NUDT3: variants seen among roughly 807,000 people sequenced by gnomAD.
NUDT3 encodes nudix hydrolase 3, also known as diphosphoinositol polyphosphate phosphohydrolase 1.
Under a neutral mutation model 23.6 loss-of-function variants are expected in NUDT3, and 9 were observed. The observed-to-expected ratio is 0.38, with a 90% CI of 0.23 to 0.66. NUDT3 has a LOEUF of 0.66. Ranked by LOEUF, NUDT3 falls within the 30% of genes least tolerant of loss-of-function variation. The probability of loss-of-function intolerance (pLI) is 0.52; values close to 1 mark genes in which losing one functional copy is unlikely to be tolerated. For synonymous variants in NUDT3, 86 were observed against 82.6 expected, an observed-to-expected ratio of 1.04 and a Z score of -0.22; for missense variants, 172 against 218.5, an observed-to-expected ratio of 0.79 and a Z score of 1.34.
At chr6:34,296,127 G>T (rs1022993962) in intron 2 of NUDT3, among the ~76,000 whole-genome samples, 31 of 152,210 alleles carry the variant, frequency 2.0e-4, no homozygotes, top group African/African-American at 7.2e-4. Context: ...AAATTAGCCA[G>T]TCATGGCAGC....
At chr6:34,356,236 C>T (rs942659997) in intron 1 of NUDT3, among the ~76,000 whole-genome samples, 2 of 152,066 alleles carry the variant, frequency 1.3e-5, no homozygotes, top group East Asian at 1.9e-4. Context: ...AAATATCTTA[C>T]GTACCCACAA....
In NUDT3 at chr6:34,351,224, A is replaced by AAAAAAAAAAAAAC. The variant is rs1374203552; in HGVS notation, c.100-9253_100-9252insGTTTTTTTTTTTT. Among the ~76,000 whole-genome samples the AAAAAAAAAAAAAC allele has an allele frequency of 2.3e-4, 31 of 136,350 alleles. 1 individual carries two copies. Among genetic ancestry groups the AAAAAAAAAAAAAC allele is most frequent in the African/African-American group, 8.6e-4 (29 of 33,740 alleles). 89.5% of individuals were successfully genotyped at this position (136,350 alleles called of 152,430 possible). On this transcript the variant is annotated intron_variant, in intron 1 of 4. Transcript: ENST00000607016. ...AAAAAAAAAAAAAAAAAAAAAAAAAAAACACTTTGGGAGGCCAAGATGGGA... is the reference window on the plus strand; with the variant it reads ...AAAAAAAAAAAAAAAAAAAAAAAAAAAAAAAAAAAAAACAACACTTTGGGAGGCCAAGATGGGA...
intron 4 of NUDT3, among the ~76,000 whole-genome samples, chr6:34,291,150 G>A (rs1393475777): frequency 2.0e-5 from 3 of 151,942 alleles, no homozygotes; most frequent in Non-Finnish European, 4.4e-5. Context: ...GTAGAGATGG[G>A]GTTTCAGCAT....
intron 1 of NUDT3, among the ~76,000 whole-genome samples, chr6:34,385,123 C>T (rs896399532): frequency 4.0e-5 from 6 of 151,154 alleles, no homozygotes. Flanking sequence ...TTATATATTA[C>T]TAATTATATA....
intron 1 of NUDT3, among the ~76,000 whole-genome samples, chr6:34,377,800 T>C (rs1265674758): frequency 1.4e-5 from 2 of 140,628 alleles, no homozygotes; most frequent in Non-Finnish European, 3.0e-5. Flanking sequence ...ACCACTGCAC[T>C]CCAGCCTGGG....
At chr6:34,309,365 T>C (rs1365856543) in intron 2 of NUDT3, among the ~76,000 whole-genome samples, 1 of 151,938 alleles carries the variant, frequency 6.6e-6, no homozygotes, top group East Asian at 1.9e-4. Context: ...AAATATAACA[T>C]CAAAATTTGT....
intron 2 of NUDT3, among the ~76,000 whole-genome samples, chr6:34,313,116 A>G (rs1763800520): frequency 6.6e-6 from 1 of 152,152 alleles, no homozygotes. Flanking sequence ...CAAAGCTTGC[A>G]GTGAGCTGAG....
rs1445847870 is a variant in NUDT3 at position 34,281,566 on chromosome 6, G to C, written c.*7187C>G. 2 of 148,976 alleles carry C rather than the reference G, an allele frequency of 1.3e-5. No individual in the cohort carries two copies. Among genetic ancestry groups the C allele is most frequent in the Non-Finnish European group, 2.9e-5 (2 of 67,878 alleles). 9.2% of individuals were successfully genotyped at this position (148,976 alleles called of 1,614,324 possible). ...ACAGTCTTCAGATCACAAAACAATAGAACAGACCTGACATTTACAAAACTG... is the reference window on the plus strand; with the variant it reads ...ACAGTCTTCAGATCACAAAACAATACAACAGACCTGACATTTACAAAACTG... On this transcript the variant is annotated 3_prime_UTR_variant, in exon 5 of 5. Coordinates refer to ENST00000607016, the MANE Select transcript of NUDT3 (RefSeq NM_006703.4).
At chr6:34,392,034 AC>A (rs1765211390) in intron 1 of NUDT3, among the ~76,000 whole-genome samples, 1 of 151,688 alleles carries the variant, frequency 6.6e-6, no homozygotes, top group Admixed American at 6.6e-5. Flanking sequence ...CAAGCCGGCT[AC>A]CCCCTCCGCC....
At chr6:34,317,329 T>TACCC (rs1763877590) in intron 2 of NUDT3, among the ~76,000 whole-genome samples, 1 of 151,982 alleles carries the variant, frequency 6.6e-6, no homozygotes, top group Non-Finnish European at 1.5e-5. Context: ...ACTACCTACC[T>TACCC]ACCCACTAAT....
intron 2 of NUDT3, among the ~76,000 whole-genome samples, chr6:34,334,764 T>C (rs899050156): frequency 6.6e-6 from 1 of 151,982 alleles, no homozygotes; most frequent in Non-Finnish European, 1.5e-5. Context: ...ACACTGTCTC[T>C]AATAAATAAT....
At chr6:34,311,020 A>G (rs1763763270) in intron 2 of NUDT3, among the ~76,000 whole-genome samples, 1 of 151,970 alleles carries the variant, frequency 6.6e-6, no homozygotes, top group Non-Finnish European at 1.5e-5. Flanking sequence ...TCGACAAACT[A>G]GGAACAGAGG....
intron 2 of NUDT3, among the ~76,000 whole-genome samples, chr6:34,338,409 C>G (rs1010459805): frequency 1.3e-5 from 2 of 152,162 alleles, no homozygotes; most frequent in African/African-American, 2.4e-5. Context: ...CCCGGCATGC[C>G]GTACAAACTG....
intron 3 of NUDT3, among the ~76,000 whole-genome samples, chr6:34,295,388 G>A (rs1763484060): frequency 6.6e-6 from 1 of 152,096 alleles, no homozygotes; most frequent in South Asian, 2.1e-4. Context: ...GAAGGATGGT[G>A]GTGTATCCAT....
In NUDT3 at chr6:34,342,289, C is replaced by CAAAAA. The variant is rs200954440; in HGVS notation, c.100-322_100-318dup. On this transcript the variant is annotated intron_variant, in intron 1 of 4. Coordinates refer to ENST00000607016, the MANE Select transcript of NUDT3 (RefSeq NM_006703.4). ...ACCTGACAAGGTGAATAGAAGACTT[C>CAAAAA]AAAAAAAAAAAAAAAAAAAAAAAAA... Among the ~76,000 whole-genome samples, 38 of 66,462 alleles carry CAAAAA rather than the reference C, an allele frequency of 5.7e-4. 1 individual carries two copies. Among genetic ancestry groups the CAAAAA allele is most frequent in the Non-Finnish European group, 9.4e-4 (24 of 25,484 alleles). 43.6% of individuals were successfully genotyped at this position (66,462 alleles called of 152,430 possible). A position where few individuals can be genotyped will look rare whatever the true frequency, so the allele number is the denominator to read the frequency against.
In NUDT3 at chr6:34,288,162, A is replaced by C. The variant is rs1163516214; in HGVS notation, c.*591T>G. On this transcript the variant is annotated 3_prime_UTR_variant, in exon 5 of 5. Transcript: ENST00000607016. ...AAGGTATGTTAATTGTGAGGCTCTC[A>C]ATTCTAGAAATGCCCAAATTAAAAG... 1 of 152,156 alleles carries C rather than the reference A, an allele frequency of 6.6e-6. No homozygotes were observed. The highest frequency in any genetic ancestry group is 1.5e-5 in the Non-Finnish European group (1 of 68,020). The allele number at this position is 152,156 out of a possible 1,614,324, so 9.4% of individuals were successfully genotyped here.
At chr6:34,305,539 A>G (rs1763667379) in intron 2 of NUDT3, among the ~76,000 whole-genome samples, 1 of 152,092 alleles carries the variant, frequency 6.6e-6, no homozygotes, top group Non-Finnish European at 1.5e-5. Flanking sequence ...CTATTTTTCT[A>G]TTAATTTCTA....
chr6:34,346,570 G>A (rs772259650), intron 1 of NUDT3, among the ~76,000 whole-genome samples: 1 of 152,148 alleles, frequency 6.6e-6, no homozygotes, highest in East Asian at 1.9e-4. Context: ...AATCTAGCAA[G>A]TGTTATTGCT....
intron 2 of NUDT3, among the ~76,000 whole-genome samples, chr6:34,306,716 ACACTTAGC>A (rs1274847056): frequency 6.6e-6 from 1 of 152,252 alleles, no homozygotes; most frequent in African/African-American, 2.4e-5. Context: ...TCTAATCTGT[ACACTTAGC>A]CACTAAACTT....
Sources: gnomAD v4.1 joint callset for allele counts (sites outside exome capture counted in the v4.1 genomes callset) on GRCh38, gnomAD v4.1.1 for gene constraint, MANE v1.5 for transcripts, NCBI Gene and HGNC (gene_info 2026-07-23, HGNC 2026-07-21) for gene names.